BABAM2: variants seen among roughly 807,000 people sequenced by gnomAD.
BABAM2 encodes BRISC and BRCA1 A complex member 2, also known as BRISC and BRCA1-A complex member 2.
Under a neutral mutation model 54.7 loss-of-function variants are expected in BABAM2, and 31 were observed. The ratio of observed to expected loss-of-function variants is 0.57; its 90% CI spans 0.43 to 0.77. The LOEUF is 0.77. Ranked by LOEUF, BABAM2 falls within the 30% of genes least tolerant of loss-of-function variation. The probability of loss-of-function intolerance (pLI) is 0.00; values close to 1 mark genes in which losing one functional copy is unlikely to be tolerated. For synonymous variants in BABAM2, 167 were observed against 162.9 expected (o/e 1.03, Z -0.19); for missense variants, 364 against 455.8 (o/e 0.80, Z 1.83).
intron 7 of BABAM2, among the ~76,000 whole-genome samples, chr2:28,190,076 A>G (rs1228913377): frequency 6.6e-6 from 1 of 152,242 alleles, no homozygotes; most frequent in Non-Finnish European, 1.5e-5. Context: ...ATGCTGGAAC[A>G]ACTGGATAGC....
At chr2:27,923,646 C>G (rs1219106298) in intron 2 of BABAM2, among the ~76,000 whole-genome samples, 2 of 151,756 alleles carry the variant, frequency 1.3e-5, no homozygotes, top group Non-Finnish European at 2.9e-5. Flanking sequence ...TAAAATAGTT[C>G]ATAGTTCATG....
chr2:28,061,954 A>T (rs1190252992), intron 6 of BABAM2, among the ~76,000 whole-genome samples: 1 of 152,116 alleles, frequency 6.6e-6, no homozygotes, highest in Non-Finnish European at 1.5e-5. Flanking sequence ...TCAAAACAGC[A>T]TATAAACATT....
intron 7 of BABAM2, among the ~76,000 whole-genome samples, chr2:28,199,217 G>T (rs569386224): frequency 1.3e-5 from 2 of 152,350 alleles, no homozygotes; most frequent in African/African-American, 4.8e-5. Context: ...GCAAGGTGGC[G>T]TGTGTGACAT....
intron 6 of BABAM2, among the ~76,000 whole-genome samples, chr2:28,114,589 T>C (rs1284964904): frequency 1.3e-5 from 2 of 152,250 alleles, no homozygotes; most frequent in African/African-American, 4.8e-5. Flanking sequence ...TTTTCTTTAT[T>C]ATGCTTGTCA....
At chr2:27,958,882 G>A (rs562599517) in intron 3 of BABAM2, among the ~76,000 whole-genome samples, 11 of 152,128 alleles carry the variant, frequency 7.2e-5, no homozygotes, top group East Asian at 5.8e-4. Context: ...TTCCAGAGGA[G>A]TGCCTTGGGC....
chr2:27,903,317 T>C (rs1039687386), intron 2 of BABAM2, among the ~76,000 whole-genome samples: 2 of 152,230 alleles, frequency 1.3e-5, no homozygotes, highest in Non-Finnish European at 2.9e-5. Context: ...TTCCATCTTG[T>C]TCTAATTCTT....
At chr2:28,145,634 A>G (rs1419878896) in intron 7 of BABAM2, among the ~76,000 whole-genome samples, 5 of 152,162 alleles carry the variant, frequency 3.3e-5, no homozygotes, top group Admixed American at 2.0e-4. Context: ...AGTGGTTTTC[A>G]GTATATTTGC....
At chr2:28,011,134 T>A (rs1674361726) in intron 4 of BABAM2, among the ~76,000 whole-genome samples, 2 of 152,018 alleles carry the variant, frequency 1.3e-5, no homozygotes, top group South Asian at 4.2e-4. Flanking sequence ...CCCACAAAAT[T>A]TGGTTTGGTG....
chr2:27,924,910 A>T (rs10209017), intron 2 of BABAM2, among the ~76,000 whole-genome samples: 1,654 of 152,328 alleles, frequency 0.011, 33 homozygotes, highest in African/African-American at 0.037. Flanking sequence ...AACATATCTT[A>T]AATGATTTGC....
At chr2:28,311,464 T>G (rs1447977950) in intron 11 of BABAM2, among the ~76,000 whole-genome samples, 1 of 152,170 alleles carries the variant, frequency 6.6e-6, no homozygotes, top group East Asian at 1.9e-4. Flanking sequence ...TTTGGGATTT[T>G]TATGATAAAC....
intron 7 of BABAM2, among the ~76,000 whole-genome samples, chr2:28,201,452 C>T (rs537377673): frequency 1.1e-3 from 166 of 152,020 alleles, no homozygotes; most frequent in African/African-American, 2.8e-3. Context: ...CCAAGAGAGA[C>T]GATATTTTTG....
chr2:28,041,806 A>G (rs1372826025), intron 5 of BABAM2, among the ~76,000 whole-genome samples: 2 of 152,144 alleles, frequency 1.3e-5, no homozygotes, highest in Non-Finnish European at 2.9e-5. Context: ...AGTTTTGAGC[A>G]AACGAGGATT....
At chr2:28,222,513 G>A (rs991853268) in intron 7 of BABAM2, among the ~76,000 whole-genome samples, 1 of 152,224 alleles carries the variant, frequency 6.6e-6, no homozygotes, top group East Asian at 1.9e-4. Flanking sequence ...TGCAGGGGCA[G>A]GAGATAATAG....
At chr2:28,046,675 A>T (rs1341719012) in intron 6 of BABAM2, among the ~76,000 whole-genome samples, 1 of 152,146 alleles carries the variant, frequency 6.6e-6, no homozygotes, top group Non-Finnish European at 1.5e-5. Context: ...TATTATACTA[A>T]TCAATAAATA....
At chr2:28,323,827 A>G (rs1276529104) in intron 11 of BABAM2, among the ~76,000 whole-genome samples, 1 of 152,068 alleles carries the variant, frequency 6.6e-6, no homozygotes. Context: ...CTCACATGTC[A>G]CCTAGGTGGA....
At chr2:28,299,895 A>G (rs1435430662) in intron 11 of BABAM2, among the ~76,000 whole-genome samples, 1 of 152,008 alleles carries the variant, frequency 6.6e-6, no homozygotes, top group African/African-American at 2.4e-5. Flanking sequence ...TTTCTGTAGT[A>G]CAAGACTTTC....
At chr2:28,191,263 G>A (rs542503816) in intron 7 of BABAM2, among the ~76,000 whole-genome samples, 1 of 152,258 alleles carries the variant, frequency 6.6e-6, no homozygotes, top group South Asian at 2.1e-4. Context: ...AACAAGCATT[G>A]GCAAGGATGT....
chr2:28,194,318 TC>T (rs774078763), intron 7 of BABAM2, among the ~76,000 whole-genome samples: 4 of 152,248 alleles, frequency 2.6e-5, no homozygotes, highest in Admixed American at 1.3e-4. Context: ...TGGTAAGGCT[TC>T]CTGCTCTCAG....
chr2:27,948,371 A>T (rs1669455156), intron 3 of BABAM2, among the ~76,000 whole-genome samples: 1 of 152,174 alleles, frequency 6.6e-6, no homozygotes, highest in Non-Finnish European at 1.5e-5. Flanking sequence ...ATAGAAAATT[A>T]TGCCATCTGT....
Sources: allele counts gnomAD v4.1 joint callset (sites outside exome capture counted in the v4.1 genomes callset), GRCh38; gene constraint gnomAD v4.1.1; transcripts MANE v1.5; gene names NCBI Gene and HGNC (gene_info 2026-07-23, HGNC 2026-07-21).